The following DPP10 variants were observed in gnomAD, a reference collection of about 807,000 sequenced individuals.
The protein encoded by DPP10 is dipeptidyl peptidase like 10.
A neutral mutation model predicts 120.9 loss-of-function variants in DPP10; 33 were observed. That is an observed-to-expected ratio of 0.27 (90% confidence interval 0.21 to 0.37). The LOEUF (loss-of-function observed/expected upper bound fraction) is 0.37, where lower values mean the gene tolerates loss of function less well. Ranked by LOEUF, DPP10 falls within the 10% of genes least tolerant of loss-of-function variation. The pLI is 1.00. For missense variants in DPP10, 816 were observed against 942.8 expected (o/e 0.87, Z 1.76); for synonymous variants, 337 against 326.1 (o/e 1.03, Z -0.36).
At chr2:115,045,100 G>A (rs1447467878) in intron 1 of DPP10, among the ~76,000 whole-genome samples, 1 of 152,180 alleles carries the variant, frequency 6.6e-6, no homozygotes, top group Non-Finnish European at 1.5e-5. Flanking sequence ...TATCTCTTCA[G>A]TATACTGATG....
intron 2 of DPP10, among the ~76,000 whole-genome samples, chr2:115,326,939 TAA>T (rs973078205): frequency 5.3e-5 from 8 of 152,044 alleles, no homozygotes; most frequent in Non-Finnish European, 1.0e-4. Context: ...GCAGTGCTTA[TAA>T]AGTCTACAGT....
At chr2:114,868,936 AC>A (rs1196841161) in intron 1 of DPP10, among the ~76,000 whole-genome samples, 1 of 152,074 alleles carries the variant, frequency 6.6e-6, no homozygotes, top group Non-Finnish European at 1.5e-5. Flanking sequence ...TATCTGCAAG[AC>A]TGGGGAAATA....
chr2:114,498,573 C>G (rs78541578), intron 1 of DPP10, among the ~76,000 whole-genome samples: 8 of 152,132 alleles, frequency 5.3e-5, no homozygotes, highest in East Asian at 1.9e-4. Context: ...ATGCCCATAT[C>G]GGGTTGGCCT....
At chr2:115,271,697 TAAAA>T (rs1192493362) in intron 1 of DPP10, among the ~76,000 whole-genome samples, 1 of 152,056 alleles carries the variant, frequency 6.6e-6, no homozygotes, top group Admixed American at 6.5e-5. Context: ...AAAACATAGG[TAAAA>T]AAACTTTTAA....
chr2:114,484,970 G>C (rs13416101), intron 1 of DPP10, among the ~76,000 whole-genome samples: 1 of 150,414 alleles, frequency 6.6e-6, no homozygotes, highest in Non-Finnish European at 1.5e-5. Flanking sequence ...GGGTTTCAAA[G>C]GTTAAAAAAT....
At chr2:115,466,753 T>C (rs1307032781) in intron 3 of DPP10, among the ~76,000 whole-genome samples, 2 of 152,192 alleles carry the variant, frequency 1.3e-5, no homozygotes, top group African/African-American at 4.8e-5. Flanking sequence ...TGTAGTTCTA[T>C]ATTGGGTTCT....
At chr2:114,923,517 C>T (rs1459152790) in intron 1 of DPP10, among the ~76,000 whole-genome samples, 5 of 118,708 alleles carry the variant, frequency 4.2e-5, no homozygotes, top group South Asian at 2.9e-4. Flanking sequence ...CTCACTCTGT[C>T]GCCCAGGCTA....
intron 1 of DPP10, among the ~76,000 whole-genome samples, chr2:114,732,434 A>T (rs1003949611): frequency 6.6e-6 from 1 of 152,214 alleles, no homozygotes; most frequent in Admixed American, 6.5e-5. Flanking sequence ...TACAGACCAA[A>T]TGAGTTCACA....
intron 3 of DPP10, among the ~76,000 whole-genome samples, chr2:115,445,188 T>A (rs565146919): frequency 5.6e-4 from 86 of 152,238 alleles, no homozygotes; most frequent in Non-Finnish European, 7.4e-5. Context: ...GAACTGTGAG[T>A]CAATTAAATC....
intron 1 of DPP10, among the ~76,000 whole-genome samples, chr2:114,733,220 C>T (rs1249101627): frequency 6.6e-6 from 1 of 152,164 alleles, no homozygotes; most frequent in Non-Finnish European, 1.5e-5. Flanking sequence ...CTTGGACAGT[C>T]TTTTCACTTA....
intron 1 of DPP10, among the ~76,000 whole-genome samples, chr2:114,796,988 C>T (rs1683773904): frequency 6.6e-6 from 1 of 152,110 alleles, no homozygotes; most frequent in Non-Finnish European, 1.5e-5. Flanking sequence ...TAGAACTCTA[C>T]TTGAAGAGCT....
At chr2:115,574,864 C>A (rs1038359477) in intron 5 of DPP10, among the ~76,000 whole-genome samples, 3 of 152,128 alleles carry the variant, frequency 2.0e-5, no homozygotes, top group African/African-American at 7.2e-5. Context: ...TTGTCCGTGG[C>A]GGCTTGTTTA....
intron 1 of DPP10, among the ~76,000 whole-genome samples, chr2:114,535,274 A>G (rs1476873620): frequency 6.6e-6 from 1 of 152,184 alleles, no homozygotes; most frequent in East Asian, 1.9e-4. Flanking sequence ...TCTCGCCTCC[A>G]TAAATTCTAA....
At chr2:114,633,932 T>G (rs1695131321) in intron 1 of DPP10, among the ~76,000 whole-genome samples, 1 of 151,846 alleles carries the variant, frequency 6.6e-6, no homozygotes, top group Non-Finnish European at 1.5e-5. Context: ...GGATTTTAAT[T>G]GTCTTAATGG....
intron 1 of DPP10, among the ~76,000 whole-genome samples, chr2:115,243,349 G>A (rs2058375714): frequency 1.3e-5 from 2 of 152,116 alleles, no homozygotes; most frequent in South Asian, 2.1e-4. Flanking sequence ...TGCATTTCTT[G>A]CCCATGCTAT....
intron 1 of DPP10, among the ~76,000 whole-genome samples, chr2:115,039,771 A>T (rs534201318): frequency 6.6e-6 from 1 of 152,286 alleles, no homozygotes; most frequent in East Asian, 1.9e-4. Context: ...CACTCTACCC[A>T]CAAAGAAATG....
intron 1 of DPP10, among the ~76,000 whole-genome samples, chr2:115,105,107 C>T (rs2048883334): frequency 6.6e-6 from 1 of 152,122 alleles, no homozygotes; most frequent in Non-Finnish European, 1.5e-5. Flanking sequence ...AGATGACTCA[C>T]AGAGTTTATA....
intron 17 of DPP10, among the ~76,000 whole-genome samples, chr2:115,786,519 A>G (rs570326126): frequency 9.9e-4 from 151 of 152,342 alleles, no homozygotes; most frequent in Non-Finnish European, 1.7e-3. Context: ...ATAATAAAAA[A>G]AAAGAGTAAA....
At chr2:115,145,156 G>T (rs1344029385) in intron 1 of DPP10, 3 of 151,582 alleles carry the variant, frequency 2.0e-5, no homozygotes, top group Non-Finnish European at 4.4e-5. Context: ...AAAAAAAAAA[G>T]AAGAAATAAA....
Sources: gnomAD v4.1 joint callset for allele counts (sites outside exome capture counted in the v4.1 genomes callset) on GRCh38, gnomAD v4.1.1 for gene constraint, MANE v1.5 for transcripts, NCBI Gene and HGNC (gene_info 2026-07-23, HGNC 2026-07-21) for gene names.